The following SMARCAD1 variants were observed in gnomAD, a reference collection of about 807,000 sequenced individuals.
SMARCAD1 encodes SNF2 related chromatin remodeling ATPase with DExD box 1, also known as SWI/SNF-related matrix-associated actin-dependent regulator of chromatin subfamily A containing DEAD/H box 1.
In SMARCAD1, 25 loss-of-function variants were observed where a neutral mutation model predicts 127.1. The observed-to-expected ratio is 0.20, with a 90% CI of 0.14 to 0.27. The LOEUF (loss-of-function observed/expected upper bound fraction) is 0.27. Ranked by LOEUF, SMARCAD1 falls within the 10% of genes least tolerant of loss-of-function variation. The pLI is 1.00. For synonymous variants in SMARCAD1, 400 were observed against 396.9 expected (o/e 1.01, Z -0.09); for missense variants, 807 against 1,206.0 (o/e 0.67, Z 4.90).
intron 3 of SMARCAD1, 91 bp downstream of exon 3, chr4:94,226,387 C>CT: frequency 1.9e-5 from 19 of 978,230 alleles, no homozygotes; most frequent in African/African-American, 6.1e-5. Flanking sequence ...TGGTGACTTC[C>CT]CTTTTTTTTT....
intron 2 of SMARCAD1, among the ~76,000 whole-genome samples, chr4:94,209,111 A>G (rs1317776104): frequency 6.6e-6 from 1 of 152,360 alleles, no homozygotes; most frequent in African/African-American, 2.4e-5. Flanking sequence ...ATGGTGAATG[A>G]ACATTTTTAA....
chr4:94,267,504 TTC>T (rs1751911687), intron 10 of SMARCAD1, among the ~76,000 whole-genome samples: 6 of 152,260 alleles, frequency 3.9e-5, no homozygotes, highest in African/African-American at 1.4e-4. Context: ...CCCCTGTTGT[TTC>T]TATTTTACGC....
At chr4:94,281,159 A>G (rs1440266906) in intron 20 of SMARCAD1, among the ~76,000 whole-genome samples, 1 of 152,204 alleles carries the variant, frequency 6.6e-6, no homozygotes, top group Admixed American at 6.5e-5. Context: ...AGTCCAGATA[A>G]TACATACATA....
chr4:94,248,377 G>A (rs1002016807), intron 6 of SMARCAD1: 1 of 418,040 alleles, frequency 2.4e-6, no homozygotes, highest in Non-Finnish European at 4.8e-6. Flanking sequence ...TTTCACTTAT[G>A]TAGTGAAAAA....
chr4:94,236,849 C>A, intron 4 of SMARCAD1, 103 bp from the exon 5 acceptor site: 1 of 906,954 alleles, frequency 1.1e-6, no homozygotes, highest in Non-Finnish European at 1.8e-6. Context: ...CACATACTTT[C>A]CTGTCATGTT....
chr4:94,270,426 A>T, intron 10 of SMARCAD1: 1 of 293,740 alleles, frequency 3.4e-6, no homozygotes, highest in Non-Finnish European at 6.6e-6. Flanking sequence ...CTTAGTATTA[A>T]TATTATCATA....
At chr4:94,210,245 C>T (rs984794819) in intron 2 of SMARCAD1, among the ~76,000 whole-genome samples, 12 of 152,140 alleles carry the variant, frequency 7.9e-5, no homozygotes, top group Admixed American at 2.0e-4. Flanking sequence ...GCCTTGATGG[C>T]TTCGGGAAAT....
At chr4:94,267,153 A>G (rs973260823) in intron 10 of SMARCAD1, among the ~76,000 whole-genome samples, 37 of 152,212 alleles carry the variant, frequency 2.4e-4, no homozygotes, top group African/African-American at 7.9e-4. Flanking sequence ...TAAATCTGCC[A>G]AGGTTCTTCT....
At chr4:94,249,616 T>G (rs865987813) in intron 6 of SMARCAD1, 38 bp from the exon 7 acceptor site, 1 of 1,043,238 alleles carries the variant, frequency 9.6e-7, no homozygotes, top group Admixed American at 1.7e-5. Context: ...GTTATTGATA[T>G]CTCTTAAATT....
At chr4:94,208,237 C>T (rs1177266867) in intron 1 of SMARCAD1, 109 bp from the exon 2 acceptor site, 2 of 786,488 alleles carry the variant, frequency 2.5e-6, no homozygotes, top group Non-Finnish European at 2.3e-6. Context: ...CAGTCCTGAG[C>T]CACTGGCATG....
chr4:94,245,787 T>C (rs1279453400), intron 6 of SMARCAD1, among the ~76,000 whole-genome samples: 1 of 152,248 alleles, frequency 6.6e-6, no homozygotes, highest in African/African-American at 2.4e-5. Context: ...ATGAAGTTTT[T>C]GACATTGTAT....
chr4:94,288,506 G>A (rs947175556), intron 23 of SMARCAD1, among the ~76,000 whole-genome samples: 1 of 152,090 alleles, frequency 6.6e-6, no homozygotes, highest in African/African-American at 2.4e-5. Context: ...GGATGTCAGT[G>A]AACTGACATC....
upstream of SMARCAD1, chr4:94,207,725 G>C (rs1040747756): frequency 1.1e-5 from 2 of 183,894 alleles, no homozygotes; most frequent in Admixed American, 5.5e-5. Context: ...TAGCACTGAG[G>C]CTACAAGATC....
At chr4:94,288,136 T>C (rs1269300643) in intron 23 of SMARCAD1, among the ~76,000 whole-genome samples, 1 of 152,216 alleles carries the variant, frequency 6.6e-6, no homozygotes, top group Non-Finnish European at 1.5e-5. Flanking sequence ...ACATGGCAAT[T>C]TATTTTCAAT....
At chr4:94,209,233 G>T (rs1741789391) in intron 2 of SMARCAD1, among the ~76,000 whole-genome samples, 1 of 152,296 alleles carries the variant, frequency 6.6e-6, no homozygotes, top group East Asian at 1.9e-4. Flanking sequence ...ATATATTTGA[G>T]CTCTTGTTGT....
chr4:94,280,045 A>G (rs1049952129), intron 19 of SMARCAD1, among the ~76,000 whole-genome samples: 1 of 151,896 alleles, frequency 6.6e-6, no homozygotes, highest in Non-Finnish European at 1.5e-5. Flanking sequence ...TTGTATTTTT[A>G]GTAGAGATGG....
chr4:94,277,245 C>T lies in SMARCAD1; in HGVS notation c.2082+86C>T, dbSNP rs1289697978. On this transcript the variant is annotated intron_variant, in intron 16 of 23. Transcript: ENST00000354268. Reference sequence around the variant, plus strand: ...TCTGTTAGGTCTCTTTTGTTGTTTTCATAGTGCATATGCTCTATGAAGTAA... The same window carrying T: ...TCTGTTAGGTCTCTTTTGTTGTTTTTATAGTGCATATGCTCTATGAAGTAA... 6 of 1,461,882 alleles carry T rather than the reference C, an allele frequency of 4.1e-6. No homozygotes were observed. The African/African-American group carries it at 5.6e-5, about 14-fold the overall frequency. The allele number at this position is 1,461,882 out of a possible 1,614,324, so 90.6% of individuals were successfully genotyped here. A position where few individuals can be genotyped will look rare whatever the true frequency, so the allele number is the denominator to read the frequency against.
At chr4:94,282,343 G>A (rs549961622) in intron 21 of SMARCAD1, among the ~76,000 whole-genome samples, 14 of 151,140 alleles carry the variant, frequency 9.3e-5, no homozygotes, top group Admixed American at 6.6e-4. Context: ...TGATCCGCCC[G>A]CCTCGGCCTC....
Position 94,274,724 on chromosome 4 carries a change from C to G in SMARCAD1, c.1673-14C>G. The G allele has an allele frequency of 6.2e-7, 1 of 1,612,368 alleles. No individual in the cohort carries two copies. The highest frequency in any genetic ancestry group is 1.1e-5 in the South Asian group (1 of 91,050). The stretch of plus-strand genomic sequence containing the variant: ...ATTGTAGCAGATGCAAATAATGTCT[C>G]TTCTGTTCCATAGATAACTGGTTAA... On this transcript the variant is annotated splice_polypyrimidine_tract_variant and intron_variant, in intron 12 of 23. Transcript: ENST00000354268.
Sources: gnomAD v4.1 joint callset for allele counts (sites outside exome capture counted in the v4.1 genomes callset) on GRCh38, gnomAD v4.1.1 for gene constraint, MANE v1.5 for transcripts, NCBI Gene and HGNC (gene_info 2026-07-23, HGNC 2026-07-21) for gene names.